Variants in MEGF10 observed in about 807,000 individuals in gnomAD.
The protein encoded by MEGF10 is multiple EGF like domains 10.
In MEGF10, 86 loss-of-function variants were observed where a neutral mutation model predicts 147.5. The ratio of observed to expected loss-of-function variants is 0.58; its 90% confidence interval spans 0.49 to 0.70. The LOEUF (loss-of-function observed/expected upper bound fraction) is 0.70, where lower values mean the gene tolerates loss of function less well. MEGF10 is among the 30% of genes least tolerant of loss of function. The pLI is 0.00. For synonymous variants in MEGF10, 478 were observed against 525.5 expected (o/e 0.91, Z 1.24); for missense variants, 1,329 against 1,487.3 (o/e 0.89, Z 1.75).
chr5:127,365,580 T>G (rs1338803287), intron 4 of MEGF10, among the ~76,000 whole-genome samples: 2 of 152,214 alleles, frequency 1.3e-5, no homozygotes, highest in Non-Finnish European at 2.9e-5. Flanking sequence ...ACAGCTTTCA[T>G]TTCAAAGACA....
chr5:127,398,761 G>C lies in MEGF10; in HGVS notation c.745G>C (p.Val249Leu). ...PCQNGGVCHH[V>L]TGECSCPSGW... ...TCAAAATGGAGGAGTGTGTCATCAC[G>C]TCACTGGAGAATGCTCTTGCCCTTC... Residue 249 changes from valine to leucine, a missense_variant, in exon 7 of 25, where the codon GTC becomes CTC. Coordinates refer to ENST00000503335, the MANE Select transcript of MEGF10 (RefSeq NM_001256545.2). The C allele has an allele frequency of 6.2e-7, 1 of 1,613,902 alleles. No homozygotes were observed. The highest frequency in any genetic ancestry group is 8.5e-7 in the Non-Finnish European group (1 of 1,179,884).
intron 1 of MEGF10, among the ~76,000 whole-genome samples, chr5:127,329,320 C>G (rs990594806): frequency 1.3e-5 from 2 of 152,118 alleles, no homozygotes; most frequent in African/African-American, 4.8e-5. Flanking sequence ...ATGGCTTACA[C>G]AATATCTTTT....
intron 9 of MEGF10, among the ~76,000 whole-genome samples, chr5:127,415,511 G>C (rs1189945738): frequency 1.3e-5 from 2 of 152,150 alleles, no homozygotes; most frequent in Non-Finnish European, 2.9e-5. Context: ...GGCTGGAGCA[G>C]AATGAGGACA....
the MEGF10 span, among the ~76,000 whole-genome samples, chr5:127,252,604 T>C: frequency 0.55 from 83,427 of 151,538 alleles, 23,372 homozygotes; most frequent in Middle Eastern, 0.71. Flanking sequence ...TATGTGAGGG[T>C]GTAGGAAAAA....
At chr5:127,229,746 C>A in the MEGF10 span, 3 of 152,014 alleles carry the variant, frequency 2.0e-5, no homozygotes, top group Non-Finnish European at 4.4e-5. Context: ...GCCGGCATGG[C>A]GTCTCTGCCC....
the MEGF10 span, among the ~76,000 whole-genome samples, chr5:127,263,940 A>G: frequency 6.6e-6 from 1 of 152,178 alleles, no homozygotes; most frequent in Admixed American, 6.5e-5. Flanking sequence ...ACAGTAATTT[A>G]AAAGAAATAG....
the MEGF10 span, among the ~76,000 whole-genome samples, chr5:127,247,250 A>T: frequency 6.9e-6 from 1 of 144,238 alleles, no homozygotes; most frequent in African/African-American, 2.5e-5. Context: ...AGAAAGTATT[A>T]TTATTCCAAA....
upstream of MEGF10, among the ~76,000 whole-genome samples, chr5:127,289,484 G>T (rs578216387): frequency 6.6e-6 from 1 of 152,292 alleles, no homozygotes; most frequent in Non-Finnish European, 1.5e-5. Flanking sequence ...GGACCATCCT[G>T]ACTGACCTTC....
the MEGF10 span, among the ~76,000 whole-genome samples, chr5:127,240,129 C>T: frequency 6.6e-6 from 1 of 152,158 alleles, no homozygotes; most frequent in Non-Finnish European, 1.5e-5. Context: ...GTCTCTTATT[C>T]TTGCCCCAGT....
intron 13 of MEGF10, among the ~76,000 whole-genome samples, chr5:127,432,782 G>T (rs1262973500): frequency 6.6e-6 from 1 of 152,164 alleles, no homozygotes; most frequent in African/African-American, 2.4e-5. Context: ...AATAATGTCA[G>T]TTGTGATATT....
chr5:127,247,295 G>A, the MEGF10 span, among the ~76,000 whole-genome samples: 24 of 106,362 alleles, frequency 2.3e-4, no homozygotes, highest in Non-Finnish European at 2.6e-4. Flanking sequence ...GGGGGGTGGG[G>A]GAGAGAGAGC....
chr5:127,238,809 G>GGA, the MEGF10 span, among the ~76,000 whole-genome samples: 1,385 of 152,310 alleles, frequency 9.1e-3, 30 homozygotes, highest in African/African-American at 0.032. Context: ...CTGTGTAAAT[G>GGA]TCTCTTGGTA....
chr5:127,381,032 G>C (rs1763239245), intron 5 of MEGF10, among the ~76,000 whole-genome samples: 1 of 152,158 alleles, frequency 6.6e-6, no homozygotes, highest in African/African-American at 2.4e-5. Flanking sequence ...CTGAAATGGT[G>C]GCCCCATGAC....
chr5:127,450,188 G>A (rs1766101596), intron 22 of MEGF10, among the ~76,000 whole-genome samples: 1 of 150,542 alleles, frequency 6.6e-6, no homozygotes, highest in Non-Finnish European at 1.5e-5. Context: ...GAATTAGAGT[G>A]AAAACGGCAA....
At position 127,326,533 on chromosome 5, in the gene MEGF10, G is replaced by T. The variant is rs79489501; in HGVS notation, c.-18-4758G>T. ...TCTGAGATTGTTCTCAGGGCAACCAGCAAGCATTACTCATCCTACATCTTT... is the reference window on the plus strand; with the variant it reads ...TCTGAGATTGTTCTCAGGGCAACCATCAAGCATTACTCATCCTACATCTTT... On this transcript the variant is annotated intron_variant, in intron 1 of 24. Transcript: ENST00000503335. Among the ~76,000 whole-genome samples the T allele has an allele frequency of 7.6e-3, 1,158 of 152,256 alleles. 3 individuals are homozygous for T. The highest frequency in any genetic ancestry group is 0.013 in the Non-Finnish European group (867 of 68,006).
At position 127,417,390 on chromosome 5, in the gene MEGF10, A is replaced by G. The variant is rs149478206; in HGVS notation, c.1131-248A>G. On this transcript the variant is annotated intron_variant, in intron 9 of 24. Transcript: ENST00000503335. The stretch of plus-strand genomic sequence containing the variant: ...AGAGAATTAAAAAGAATTTCAGACA[A>G]AAGGATGTGGTTGTAATACATCCTG... Among the ~76,000 whole-genome samples the G allele has an allele frequency of 2.3e-3, 354 of 152,354 alleles. 1 individual carries two copies. The highest frequency in any genetic ancestry group is 7.9e-3 in the African/African-American group (327 of 41,588).
chr5:127,426,565 T>C (rs1765215589), intron 13 of MEGF10, among the ~76,000 whole-genome samples: 1 of 152,100 alleles, frequency 6.6e-6, no homozygotes, highest in South Asian at 2.1e-4. Context: ...TCTGGACCTC[T>C]GGTACACACA....
intron 4 of MEGF10, among the ~76,000 whole-genome samples, chr5:127,350,946 A>G (rs1010638100): frequency 3.9e-5 from 6 of 151,918 alleles, no homozygotes; most frequent in Non-Finnish European, 8.8e-5. Flanking sequence ...AAAACAATTC[A>G]ATTATACTCA....
intron 1 of MEGF10, among the ~76,000 whole-genome samples, chr5:127,327,694 TTTTTC>T (rs1345394950): frequency 2.3e-4 from 33 of 145,788 alleles, no homozygotes; most frequent in Non-Finnish European, 3.4e-4. Context: ...ATCTGCTGCT[TTTTTC>T]TTTTCTTTTC....
Sources: gnomAD v4.1 joint callset for allele counts (sites outside exome capture counted in the v4.1 genomes callset) on GRCh38, gnomAD v4.1.1 for gene constraint, MANE v1.5 for transcripts, NCBI Gene and HGNC (gene_info 2026-07-23, HGNC 2026-07-21) for gene names.